GRK5: variants seen among roughly 807,000 people sequenced by gnomAD.
GRK5 encodes G protein-coupled receptor kinase 5, also known as g protein-coupled receptor kinase GRK5.
Under a neutral mutation model 78.4 loss-of-function variants are expected in GRK5, and 40 were observed. The observed-to-expected ratio is 0.51, with a 90% CI of 0.40 to 0.66. The LOEUF (loss-of-function observed/expected upper bound fraction) is 0.66. Ranked by LOEUF, GRK5 falls within the 30% of genes least tolerant of loss-of-function variation. The pLI, the probability that GRK5 is intolerant of heterozygous loss-of-function variation, is 0.00. For missense variants in GRK5, 598 were observed against 759.9 expected (o/e 0.79, Z 2.50); for synonymous variants, 289 against 296.8 (o/e 0.97, Z 0.27).
At chr10:119,369,219 T>C (rs1222065420) in intron 2 of GRK5, among the ~76,000 whole-genome samples, 1 of 152,194 alleles carries the variant, frequency 6.6e-6, no homozygotes, top group Admixed American at 6.5e-5. Flanking sequence ...AAACTGCATG[T>C]ATCTGGATGA....
chr10:119,430,572 C>A lies in GRK5; in HGVS notation c.597+134C>A. ...AGTGGCTCAATGTGGGCCCCGGGGG[C>A]AGTGAGGGTGGGAGAGAGTCAGTGG... is the stretch of plus-strand genomic sequence containing the variant. On this transcript the variant is annotated intron_variant, in intron 7 of 15. Coordinates refer to ENST00000392870, the MANE Select transcript of GRK5 (RefSeq NM_005308.3). This position sits in a 1 kb window ranked among gnomAD's most constrained non-coding sequence, Gnocchi z 4.5. The A allele has an allele frequency of 1.4e-6, 1 of 697,568 alleles. No individual in the cohort carries two copies. The highest frequency in any genetic ancestry group is 2.4e-6 in the Non-Finnish European group (1 of 409,908). The allele number at this position is 697,568 out of a possible 1,614,324, so 43.2% of individuals were successfully genotyped here. A position where few individuals can be genotyped will look rare whatever the true frequency, so the allele number is the denominator to read the frequency against.
Position 119,267,171 on chromosome 10 carries a change from A to C in GRK5, c.52+59202A>C, listed in dbSNP as rs1849511967. ...GGAAGGAGAATTGCTTGAACCTGCG[A>C]GGCGGAGGTTGCAGCGAGCCGAGAT... On this transcript the variant is annotated intron_variant, in intron 1 of 15. Coordinates refer to ENST00000392870, the MANE Select transcript of GRK5 (RefSeq NM_005308.3). This position sits in a 1 kb window ranked among gnomAD's most constrained non-coding sequence, Gnocchi z 4.1. 6.6e-6 allele frequency among the ~76,000 whole-genome samples: 1 copy of C among 150,846 alleles called. No individual in the cohort carries two copies. Among genetic ancestry groups the C allele is most frequent in the African/African-American group, 2.4e-5 (1 of 40,890 alleles).
intron 4 of GRK5, among the ~76,000 whole-genome samples, chr10:119,411,159 G>T (rs1852330090): frequency 6.6e-6 from 1 of 151,948 alleles, no homozygotes; most frequent in African/African-American, 2.4e-5. Context: ...GTCTCTTCCT[G>T]GCCTGGTGGA....
rs1029864158 is a variant in GRK5, at chr10:119,456,079, T to C, written c.*1012T>C. The C allele has an allele frequency of 2.0e-5, 3 of 152,306 alleles. No individual in the cohort carries two copies. Among genetic ancestry groups the C allele is most frequent in the Non-Finnish European group, 2.9e-5 (2 of 68,116 alleles). The allele number at this position is 152,306 out of a possible 1,614,324, so 9.4% of individuals were successfully genotyped here. On this transcript the variant is annotated 3_prime_UTR_variant, in exon 16 of 16. Transcript: ENST00000392870. The surrounding 1 kb of genome is among the most constrained non-coding windows in gnomAD (Gnocchi z 5.5). ...CGGGGCCCACAGGAGCATCGGGAAGTGAGGCAGTGCGCTCATCCTGACGGA... is the reference window on the plus strand; with the variant it reads ...CGGGGCCCACAGGAGCATCGGGAAGCGAGGCAGTGCGCTCATCCTGACGGA...
At chr10:119,219,414 G>T (rs1283323036) in intron 1 of GRK5, among the ~76,000 whole-genome samples, 2 of 152,104 alleles carry the variant, frequency 1.3e-5, no homozygotes, top group Admixed American at 6.6e-5. Flanking sequence ...TTTCAGATTT[G>T]GGATGCTCGA....
At chr10:119,216,281 GTAA>G (rs1489075420) in intron 1 of GRK5, among the ~76,000 whole-genome samples, 1 of 152,212 alleles carries the variant, frequency 6.6e-6, no homozygotes, top group Non-Finnish European at 1.5e-5. Context: ...TTTTAAAAAG[GTAA>G]TGATGAAATG....
intron 1 of GRK5, among the ~76,000 whole-genome samples, chr10:119,273,034 A>C (rs1849610529): frequency 6.6e-6 from 1 of 152,146 alleles, no homozygotes; most frequent in African/African-American, 2.4e-5. Context: ...TCTTTTACGG[A>C]ACCAAAGATA....
chr10:119,250,176 T>A (rs533233466), intron 1 of GRK5, among the ~76,000 whole-genome samples: 43 of 152,084 alleles, frequency 2.8e-4, no homozygotes, highest in Middle Eastern at 6.8e-3. Flanking sequence ...TGAGTGAGAG[T>A]CTCTTCTGTG....
In GRK5 at chr10:119,238,189, T is replaced by C. The variant is rs1198648238; in HGVS notation, c.52+30220T>C. Among the ~76,000 whole-genome samples, 1 of 151,868 alleles carries C rather than the reference T, an allele frequency of 6.6e-6. No individual in the cohort carries two copies. The highest frequency in any genetic ancestry group is 1.9e-4 in the East Asian group (1 of 5,174). On this transcript the variant is annotated intron_variant, in intron 1 of 15. Transcript: ENST00000392870. This position sits in a 1 kb window ranked among gnomAD's most constrained non-coding sequence, Gnocchi z 4.7. ...AGTGTGCCCCTCACAGTAGATGGGGTGACAGACAGTTCTGCCCTCTGCTGT... is the reference window on the plus strand; with the variant it reads ...AGTGTGCCCCTCACAGTAGATGGGGCGACAGACAGTTCTGCCCTCTGCTGT...
intron 2 of GRK5, among the ~76,000 whole-genome samples, chr10:119,368,228 G>C (rs1431737239): frequency 6.6e-6 from 1 of 152,254 alleles, no homozygotes; most frequent in African/African-American, 2.4e-5. Context: ...CTGAGGCACT[G>C]AGCGGAAGTA....
At chr10:119,256,368 C>T (rs868200647) in intron 1 of GRK5, among the ~76,000 whole-genome samples, 14 of 152,270 alleles carry the variant, frequency 9.2e-5, no homozygotes, top group Admixed American at 4.6e-4. Flanking sequence ...CTCCGGTAGT[C>T]GCCAGCCACT....
chr10:119,355,715 G>A lies in GRK5; in HGVS notation c.149-25100G>A, dbSNP rs189232139. 7.2e-5 allele frequency among the ~76,000 whole-genome samples: 11 copies of A among 152,320 alleles called. No individual in the cohort carries two copies. In the East Asian group the frequency reaches 2.1e-3, roughly 29 times the overall value. On this transcript the variant is annotated intron_variant, in intron 2 of 15. Transcript: ENST00000392870. ...GAATTGCTTGAATCTGGGAGGCAGA[G>A]GTTGCAATGAGCTGAGATTGAGCCA...
intron 4 of GRK5, among the ~76,000 whole-genome samples, chr10:119,422,308 C>T (rs1038672280): frequency 2.0e-5 from 3 of 152,194 alleles, no homozygotes; most frequent in African/African-American, 7.2e-5. Flanking sequence ...ATTTAAAATA[C>T]TCAGGCCAGC....
At chr10:119,286,238 C>CT (rs1849844972) in intron 1 of GRK5, among the ~76,000 whole-genome samples, 1 of 152,210 alleles carries the variant, frequency 6.6e-6, no homozygotes, top group Admixed American at 6.5e-5. Context: ...CACTACAACT[C>CT]TTAACTATTT....
At chr10:119,400,186 T>C (rs1330733818) in intron 4 of GRK5, among the ~76,000 whole-genome samples, 2 of 152,126 alleles carry the variant, frequency 1.3e-5, no homozygotes, top group Non-Finnish European at 2.9e-5. Context: ...ACCTTCAGAG[T>C]AGGGCCAACA....
At position 119,267,699 on chromosome 10, in the gene GRK5, A is replaced by T. The variant is rs571412504; in HGVS notation, c.53-58817A>T. Among the ~76,000 whole-genome samples, 4 of 152,356 alleles carry T rather than the reference A, an allele frequency of 2.6e-5. No homozygotes were observed. In the South Asian group the frequency reaches 8.3e-4, roughly 32 times the overall value. On this transcript the variant is annotated intron_variant, in intron 1 of 15. Transcript: ENST00000392870. This position sits in a 1 kb window ranked among gnomAD's most constrained non-coding sequence, Gnocchi z 4.1. ...GTGGACCCAAACTGTCCTCCAGGAAAGGCGGGAGGCAGCTTAGGTGACCTC... is the reference window on the plus strand; with the variant it reads ...GTGGACCCAAACTGTCCTCCAGGAATGGCGGGAGGCAGCTTAGGTGACCTC...
At chr10:119,439,225 C>T (rs1326718181) in intron 9 of GRK5, among the ~76,000 whole-genome samples, 1 of 152,284 alleles carries the variant, frequency 6.6e-6, no homozygotes, top group Non-Finnish European at 1.5e-5. Flanking sequence ...CGTAGCTGTT[C>T]TTTCTCCCAG....
chr10:119,361,656 G>A (rs7101022), intron 2 of GRK5, among the ~76,000 whole-genome samples: 39,088 of 151,952 alleles, frequency 0.26, 5,287 homozygotes, highest in East Asian at 0.38. Context: ...TGGGGGAGGC[G>A]CAGAGGGGGT....
chr10:119,412,412 A>T lies in GRK5; in HGVS notation c.340-10754A>T, dbSNP rs1192748119. On this transcript the variant is annotated intron_variant, in intron 4 of 15. Transcript: ENST00000392870. The surrounding 1 kb of genome is among the most constrained non-coding windows in gnomAD (Gnocchi z 4.3). ...GCGTGCTTGGGCCGAGGGCTGCTGG[A>T]TGTTGGCATCAGGCCCAGGGTGGAG... Among the ~76,000 whole-genome samples the T allele has an allele frequency of 6.6e-6, 1 of 152,084 alleles. No individual in the cohort carries two copies. The highest frequency in any genetic ancestry group is 1.5e-5 in the Non-Finnish European group (1 of 68,018).
Sources: allele counts gnomAD v4.1 joint callset (sites outside exome capture counted in the v4.1 genomes callset), GRCh38; gene constraint gnomAD v4.1.1; non-coding constraint Gnocchi (gnomAD v3.1); transcripts MANE v1.5; gene names NCBI Gene and HGNC (gene_info 2026-07-23, HGNC 2026-07-21).